TENM1: variants seen among roughly 807,000 people sequenced by gnomAD.
The protein encoded by TENM1 is teneurin-1.
TENM1 carries 35 observed loss-of-function variants against 174.8 expected under a neutral mutation model. The observed-to-expected ratio is 0.20, with a 90% CI of 0.15 to 0.27. The LOEUF (loss-of-function observed/expected upper bound fraction) is 0.27, where lower values mean the gene tolerates loss of function less well. Ranked by LOEUF, TENM1 falls within the 10% of genes least tolerant of loss-of-function variation. TENM1 has a pLI of 1.00. For synonymous variants in TENM1, 781 were observed against 798.7 expected (o/e 0.98, Z 0.37); for missense variants, 1,633 against 2,130.1 (o/e 0.77, Z 4.59).
At chrX:125,156,257 T>G in the TENM1 span, among the ~76,000 whole-genome samples, 1 of 111,916 alleles carries the variant, frequency 8.9e-6, no homozygotes. Context: ...TTTAGCAGTT[T>G]TTAAAAAGCT....
At chrX:124,716,602 C>T (rs780885195) in intron 4 of TENM1, among the ~76,000 whole-genome samples, 1 of 112,339 alleles carries the variant, frequency 8.9e-6, no homozygotes, top group South Asian at 3.7e-4. Flanking sequence ...ATTGCATTGC[C>T]TTTCAAACAG....
intron 11 of TENM1, among the ~76,000 whole-genome samples, chrX:124,630,383 T>C (rs2050729858): frequency 8.9e-6 from 1 of 112,231 alleles, no homozygotes; most frequent in Non-Finnish European, 1.9e-5. Flanking sequence ...TCTTAGAACA[T>C]TCTTTGCTAG....
chrX:124,622,799 T>A (rs752302402), intron 11 of TENM1, among the ~76,000 whole-genome samples: 2 of 111,950 alleles, frequency 1.8e-5, no homozygotes, highest in Non-Finnish European at 3.8e-5. Flanking sequence ...TTCTAATGAT[T>A]TTAAATTACT....
the TENM1 span, among the ~76,000 whole-genome samples, chrX:124,986,533 T>C: frequency 3.6e-5 from 4 of 112,499 alleles, no homozygotes; most frequent in Non-Finnish European, 7.5e-5. Context: ...ATTTGCAGCC[T>C]TGATTTCTTA....
chrX:124,742,847 T>C (rs1238869736), intron 3 of TENM1, among the ~76,000 whole-genome samples: 1 of 111,120 alleles, frequency 9.0e-6, no homozygotes, highest in Non-Finnish European at 1.9e-5. Context: ...CCAAGAGTTA[T>C]TGCCATACTA....
intron 5 of TENM1, 145 bp from the exon 9 acceptor site, chrX:124,671,980 A>G: frequency 2.0e-6 from 1 of 495,994 alleles, no homozygotes; most frequent in Non-Finnish European, 3.4e-6. Flanking sequence ...TATACATCAT[A>G]CATGTAGCTA....
chrX:124,751,133 AAG>A (rs772012982), intron 3 of TENM1, among the ~76,000 whole-genome samples: 24 of 111,795 alleles, frequency 2.1e-4, no homozygotes, highest in Non-Finnish European at 4.3e-4. Flanking sequence ...TTGCTTTAAA[AAG>A]ACAACTGAGC....
intron 11 of TENM1, among the ~76,000 whole-genome samples, chrX:124,592,968 C>T (rs913471279): frequency 1.8e-5 from 2 of 110,919 alleles, no homozygotes; most frequent in African/African-American, 6.6e-5. Flanking sequence ...AATGTGGCTG[C>T]ATATATATTT....
At chrX:125,000,344 C>T in the TENM1 span, among the ~76,000 whole-genome samples, 22 of 111,365 alleles carry the variant, frequency 2.0e-4, no homozygotes, top group African/African-American at 7.2e-4. Flanking sequence ...GAAACTTGAA[C>T]GTTCACCTGA....
chrX:124,986,800 T>A, the TENM1 span, among the ~76,000 whole-genome samples: 1 of 110,888 alleles, frequency 9.0e-6, no homozygotes, highest in East Asian at 2.8e-4. Flanking sequence ...AGCCACCACA[T>A]CCGGCTAATT....
At chrX:124,977,965 TGTGAGAGAGAGAGAGAGAGAGAGAGAGA>T in the TENM1 span, among the ~76,000 whole-genome samples, 3 of 14,633 alleles carry the variant, frequency 2.1e-4, no homozygotes, top group African/African-American at 4.2e-4. Context: ...TGTGTGTGTG[TGTGAGAGAGAGAGAGAGAGAGAGAGAGA>T]GAGAGAGAGA....
chrX:124,757,735 T>C (rs1181418630), intron 3 of TENM1, among the ~76,000 whole-genome samples: 1 of 112,571 alleles, frequency 8.9e-6, no homozygotes, highest in East Asian at 2.8e-4. Flanking sequence ...ATTCGAGGGA[T>C]ACTAGAGAGC....
chrX:124,638,064 T>G (rs1233504777), intron 11 of TENM1, among the ~76,000 whole-genome samples: 1 of 111,951 alleles, frequency 8.9e-6, no homozygotes, highest in Non-Finnish European at 1.9e-5. Context: ...GATCTAATAT[T>G]CTATAGGGCT....
At chrX:125,078,328 A>T in the TENM1 span, among the ~76,000 whole-genome samples, 1 of 112,013 alleles carries the variant, frequency 8.9e-6, no homozygotes, top group Non-Finnish European at 1.9e-5. Context: ...AAAAATTTTT[A>T]AAAAAGAAGT....
chrX:124,769,886 TA>T (rs1569436505), intron 3 of TENM1, among the ~76,000 whole-genome samples: 2 of 111,918 alleles, frequency 1.8e-5, no homozygotes, highest in Non-Finnish European at 3.8e-5. Context: ...TTCCAATCCT[TA>T]AAAAGTTGAC....
intron 11 of TENM1, among the ~76,000 whole-genome samples, chrX:124,600,499 A>T (rs760800278): frequency 1.3e-4 from 14 of 111,794 alleles, no homozygotes; most frequent in African/African-American, 4.2e-4. Context: ...CTCACAAAAC[A>T]CTTCTTAATT....
intron 22 of TENM1, among the ~76,000 whole-genome samples, chrX:124,457,484 C>G (rs1423276013): frequency 1.8e-5 from 2 of 112,275 alleles, no homozygotes; most frequent in African/African-American, 6.5e-5. Flanking sequence ...CTGTATGAAA[C>G]AGCTGCAAAT....
chrX:124,987,701 TTGTGTGTGTGTGTGTGTG>T, the TENM1 span, among the ~76,000 whole-genome samples: 220 of 91,379 alleles, frequency 2.4e-3, no homozygotes, highest in African/African-American at 8.5e-3. Flanking sequence ...GTTCTGCATT[TTGTGTGTGTGTGTGTGTG>T]TGTGTGTGTG....
the TENM1 span, among the ~76,000 whole-genome samples, chrX:125,050,334 C>A: frequency 9.2e-6 from 1 of 108,666 alleles, no homozygotes; most frequent in Admixed American, 9.9e-5. Flanking sequence ...ACAACAGGCT[C>A]CGGTGTGTGA....
Sources: allele counts gnomAD v4.1 joint callset (sites outside exome capture counted in the v4.1 genomes callset), GRCh38; gene constraint gnomAD v4.1.1; transcripts MANE v1.5; gene names NCBI Gene and HGNC (gene_info 2026-07-23, HGNC 2026-07-21).